CFAP20DC: variants seen among roughly 807,000 people sequenced by gnomAD.
CFAP20DC encodes CFAP20 domain containing.
A neutral mutation model predicts 101.7 loss-of-function variants in CFAP20DC; 84 were observed. The observed-to-expected ratio is 0.83, with a 90% CI of 0.69 to 0.99. The LOEUF (loss-of-function observed/expected upper bound fraction) is 0.99. Among genes scored for constraint, CFAP20DC ranks in the 50% least tolerant of loss-of-function variants. The pLI, the probability that CFAP20DC is intolerant of heterozygous loss-of-function variation, is 0.00. For synonymous variants in CFAP20DC, 359 were observed against 351.2 expected (o/e 1.02, Z -0.25); for missense variants, 1,007 against 970.3 (o/e 1.04, Z -0.50).
intron 12 of CFAP20DC, among the ~76,000 whole-genome samples, chr3:58,857,681 T>A (rs1358244366): frequency 2.6e-5 from 4 of 152,156 alleles, no homozygotes; most frequent in Non-Finnish European, 5.9e-5. Context: ...AAAGAGAAAC[T>A]GGGATGAATG....
intron 13 of CFAP20DC, among the ~76,000 whole-genome samples, chr3:58,832,198 T>C (rs1322309328): frequency 6.6e-6 from 1 of 152,210 alleles, no homozygotes; most frequent in Non-Finnish European, 1.5e-5. Context: ...TCCTCAGTTA[T>C]GATGACTTCC....
chr3:58,838,730 G>A (rs777673968), intron 13 of CFAP20DC, among the ~76,000 whole-genome samples: 1 of 152,254 alleles, frequency 6.6e-6, no homozygotes. Flanking sequence ...CTGACAAATA[G>A]AGCTGAACTC....
At chr3:59,013,653 A>C (rs894360075) in intron 4 of CFAP20DC, among the ~76,000 whole-genome samples, 1 of 152,162 alleles carries the variant, frequency 6.6e-6, no homozygotes, top group Non-Finnish European at 1.5e-5. Flanking sequence ...TCAATATTCT[A>C]GATGCTTACC....
chr3:59,039,853 G>A (rs2094167140), intron 3 of CFAP20DC, among the ~76,000 whole-genome samples: 1 of 151,750 alleles, frequency 6.6e-6, no homozygotes, highest in African/African-American at 2.4e-5. Context: ...TTCCATCTGT[G>A]GCCTTCGTGA....
chr3:58,742,647 G>T, intron 16 of CFAP20DC, 75 bp from the exon 17 acceptor site: 1 of 1,034,638 alleles, frequency 9.7e-7, no homozygotes, highest in South Asian at 1.6e-5. Context: ...CAACGAAGCA[G>T]GAATCACCAT....
At chr3:58,812,950 G>A (rs1014642834) in intron 14 of CFAP20DC, among the ~76,000 whole-genome samples, 2 of 151,782 alleles carry the variant, frequency 1.3e-5, no homozygotes, top group African/African-American at 4.9e-5. Flanking sequence ...AACCAAACAA[G>A]ATATCTCATG....
rs999624518 is a variant in CFAP20DC, at chr3:58,760,848, C to T, written c.2238-6985G>A. 9.2e-5 allele frequency among the ~76,000 whole-genome samples: 14 copies of T among 152,224 alleles called. 1 individual carries two copies. The highest frequency in any genetic ancestry group is 6.2e-4 in the South Asian group (3 of 4,818). ...ATGCTGGATTACATTTATTTATTTG[C>T]GTATGTTGAACCAGCCTTGCATCCC... is the stretch of plus-strand genomic sequence containing the variant. On this transcript the variant is annotated intron_variant, in intron 15 of 16. Coordinates refer to ENST00000482387, the MANE Select transcript of CFAP20DC (RefSeq NM_001394063.1).
At chr3:58,848,242 C>T (rs1003034420) in intron 13 of CFAP20DC, among the ~76,000 whole-genome samples, 1 of 151,924 alleles carries the variant, frequency 6.6e-6, no homozygotes, top group Middle Eastern at 3.4e-3. Flanking sequence ...TTCTATTTTG[C>T]TGATGATAAT....
intron 13 of CFAP20DC, among the ~76,000 whole-genome samples, chr3:58,834,058 G>A (rs114688864): frequency 6.6e-6 from 1 of 152,270 alleles, no homozygotes; most frequent in Non-Finnish European, 1.5e-5. Context: ...AACGGGAAGT[G>A]ACTACTAGTG....
intron 14 of CFAP20DC, among the ~76,000 whole-genome samples, chr3:58,815,059 A>G (rs2075000442): frequency 6.6e-6 from 1 of 151,596 alleles, no homozygotes; most frequent in Non-Finnish European, 1.5e-5. Context: ...AAGCAATCCT[A>G]AGCCAAAAGA....
At chr3:58,952,061 T>C (rs1190323254) in intron 4 of CFAP20DC, among the ~76,000 whole-genome samples, 4 of 152,142 alleles carry the variant, frequency 2.6e-5, no homozygotes, top group Non-Finnish European at 2.9e-5. Flanking sequence ...ACATGATGGT[T>C]AGGGGGTAGG....
At position 58,894,965 on chromosome 3, in the gene CFAP20DC, G is replaced by A. The variant is rs1026893554; in HGVS notation, c.551-10256C>T. On this transcript the variant is annotated intron_variant, in intron 6 of 16. Transcript: ENST00000482387. This position sits in a 1 kb window ranked among gnomAD's most constrained non-coding sequence, Gnocchi z 4.1. ...TCTGAAGCCATGGCCTAAGCTCTAT[G>A]TTGGCCCCTTGTAGCCATGGCTGGA... 1.3e-5 allele frequency among the ~76,000 whole-genome samples: 2 copies of A among 152,370 alleles called. No individual in the cohort carries two copies. The highest frequency in any genetic ancestry group is 2.9e-5 in the Non-Finnish European group (2 of 68,042).
At chr3:59,041,161 C>T (rs1262674221) in intron 3 of CFAP20DC, among the ~76,000 whole-genome samples, 1 of 152,076 alleles carries the variant, frequency 6.6e-6, no homozygotes, top group African/African-American at 2.4e-5. Context: ...GCTGAGAGAA[C>T]AGCAGGATAA....
intron 15 of CFAP20DC, among the ~76,000 whole-genome samples, chr3:58,787,527 C>T (rs1473878116): frequency 6.6e-6 from 1 of 151,792 alleles, no homozygotes; most frequent in Non-Finnish European, 1.5e-5. Flanking sequence ...AACAAACAAA[C>T]AAAAAACTCC....
rs1176214631 is a variant in CFAP20DC, at chr3:58,897,247, A to G, written c.551-12538T>C. ...CCATTTGCTTGGTAAATTTTCCTCC[A>G]TTCCTTTATTTTAAGCCTATGTGTG... On this transcript the variant is annotated intron_variant, in intron 6 of 16. Transcript: ENST00000482387. This position sits in a 1 kb window ranked among gnomAD's most constrained non-coding sequence, Gnocchi z 4.4. Among the ~76,000 whole-genome samples the G allele has an allele frequency of 6.6e-6, 1 of 151,954 alleles. No homozygotes were observed. Among genetic ancestry groups the G allele is most frequent in the African/African-American group, 2.4e-5 (1 of 41,346 alleles).
At chr3:58,827,140 G>A (rs138924130) in intron 14 of CFAP20DC, among the ~76,000 whole-genome samples, 3 of 152,052 alleles carry the variant, frequency 2.0e-5, no homozygotes, top group East Asian at 1.9e-4. Context: ...TTCATTAATT[G>A]TAACAAATTA....
rs1389698075 is a variant in CFAP20DC at position 58,980,353 on chromosome 3, T to G, written c.279-42591A>C. ...AGAGGGAATCCTCCCTAACTCATTT[T>G]ATGAGGCCAGCATCATCCTGATACC... is the stretch of plus-strand genomic sequence containing the variant. On this transcript the variant is annotated intron_variant, in intron 4 of 16. Coordinates refer to ENST00000482387, the MANE Select transcript of CFAP20DC (RefSeq NM_001394063.1). Among the ~76,000 whole-genome samples, 8 of 152,318 alleles carry G rather than the reference T, an allele frequency of 5.3e-5. No individual in the cohort carries two copies. In the East Asian group the frequency reaches 7.7e-4, roughly 15 times the overall value.
intron 15 of CFAP20DC, among the ~76,000 whole-genome samples, chr3:58,760,744 A>AG (rs1184192342): frequency 1.3e-5 from 2 of 152,198 alleles, no homozygotes; most frequent in African/African-American, 4.8e-5. Context: ...TTTAGCATGA[A>AG]GGGTTGTTGA....
At chr3:58,979,116 T>C (rs2092408077) in intron 4 of CFAP20DC, among the ~76,000 whole-genome samples, 1 of 152,166 alleles carries the variant, frequency 6.6e-6, no homozygotes, top group African/African-American at 2.4e-5. Flanking sequence ...GACTAGATGA[T>C]ATGTTCTGTC....
Sources: allele counts gnomAD v4.1 joint callset (sites outside exome capture counted in the v4.1 genomes callset), GRCh38; gene constraint gnomAD v4.1.1; non-coding constraint Gnocchi (gnomAD v3.1); transcripts MANE v1.5; gene names NCBI Gene and HGNC (gene_info 2026-07-23, HGNC 2026-07-21).